The following DPY30 variants were observed in gnomAD, a reference collection of about 807,000 sequenced individuals.
DPY30 encodes protein dpy-30 homolog.
A neutral mutation model predicts 16.2 loss-of-function variants in DPY30; 6 were observed. The observed-to-expected ratio is 0.37, with a 90% CI of 0.20 to 0.73. DPY30 has a LOEUF of 0.73. Among genes scored for constraint, DPY30 ranks in the 30% least tolerant of loss-of-function variants. The pLI, the probability that DPY30 is intolerant of heterozygous loss-of-function variation, is 0.51. For missense variants in DPY30, 73 were observed against 113.1 expected (o/e 0.65, Z 1.61); for synonymous variants, 39 against 38.8 (o/e 1.00, Z -0.02).
chr2:32,028,824 G>A (rs549232421), intron 4 of DPY30, among the ~76,000 whole-genome samples: 14 of 152,026 alleles, frequency 9.2e-5, no homozygotes, highest in East Asian at 3.9e-4. Context: ...TCAGCCAGGC[G>A]TGGTGGCAGG....
At chr2:32,035,744 A>C (rs1675709830) in intron 3 of DPY30, among the ~76,000 whole-genome samples, 2 of 151,732 alleles carry the variant, frequency 1.3e-5, no homozygotes, top group Admixed American at 1.3e-4. Flanking sequence ...GACCAGCCTG[A>C]CAAACACTGT....
At chr2:32,018,572 A>G (rs752608417) in intron 5 of DPY30, among the ~76,000 whole-genome samples, 89 of 152,260 alleles carry the variant, frequency 5.8e-4, no homozygotes, top group Non-Finnish European at 1.0e-3. Context: ...CTTAAAATAT[A>G]AAAAATTAGC....
chr2:32,039,710 G>C, intron 1 of DPY30, 23 bp downstream of exon 1: 1 of 581,970 alleles, frequency 1.7e-6, no homozygotes, highest in African/African-American at 1.9e-5. Flanking sequence ...AAGTGAGAAA[G>C]TGGGGGAAAG....
At chr2:32,033,166 G>A (rs1250990965) in intron 3 of DPY30, among the ~76,000 whole-genome samples, 1 of 151,492 alleles carries the variant, frequency 6.6e-6, no homozygotes, top group Non-Finnish European at 1.5e-5. Context: ...AAATTAACCA[G>A]GCATGGTGGC....
At chr2:32,023,096 T>A (rs918847669), downstream of DPY30, among the ~76,000 whole-genome samples, 2 of 150,938 alleles carry the variant, frequency 1.3e-5, no homozygotes, top group African/African-American at 4.9e-5. Flanking sequence ...GGCAGGTGGA[T>A]CACAAGGTCA....
At position 32,029,677 on chromosome 2, in the gene DPY30, G is replaced by T; in HGVS notation, c.144C>A (p.Leu48=). ...AEKSSKQKVD[L]QSLPTRAYLD... ...GGTAGGCACGAGTTGGCAAAGACTG[G>T]AGATCTACCTTCTGCTTTGATGACT... Residue 48 remains leucine, a synonymous_variant, in exon 4 of 5, where the codon CTC becomes CTA. Transcript: ENST00000342166. The T allele has an allele frequency of 6.2e-7, 1 of 1,614,050 alleles. No individual in the cohort carries two copies. Among genetic ancestry groups the T allele is most frequent in the East Asian group, 2.2e-5 (1 of 44,866 alleles).
At chr2:32,025,432 C>T (rs2148657257) in intron 4 of DPY30, among the ~76,000 whole-genome samples, 1 of 152,038 alleles carries the variant, frequency 6.6e-6, no homozygotes, top group Non-Finnish European at 1.5e-5. Context: ...CACTGTACTC[C>T]AGCCTGGGCG....
At chr2:32,038,270 G>A (rs1675823764) in intron 3 of DPY30, among the ~76,000 whole-genome samples, 1 of 150,146 alleles carries the variant, frequency 6.7e-6, no homozygotes, top group Admixed American at 6.7e-5. Flanking sequence ...AGCCTCCCGA[G>A]TAGCTGGGAT....
At position 32,039,492 on chromosome 2, in the gene DPY30, T is replaced by C. The variant is rs1186081592; in HGVS notation, c.-36A>G. On this transcript the variant is annotated splice_region_variant and 5_prime_UTR_variant, in exon 2 of 5. Coordinates refer to ENST00000342166, the MANE Select transcript of DPY30 (RefSeq NM_001321209.2). ...GCAAGTCACAGTCCCCGGATACCAG[T>C]CTTGGAAAACAAGAAGAGCCGCGAG... 8.7e-6 allele frequency: 14 copies of C among 1,613,876 alleles called. No homozygotes were observed. The highest frequency in any genetic ancestry group is 2.2e-5 in the East Asian group (1 of 44,878).
intron 3 of DPY30, among the ~76,000 whole-genome samples, chr2:32,033,226 T>G (rs1392568850): frequency 2.6e-5 from 4 of 151,938 alleles, no homozygotes; most frequent in Non-Finnish European, 4.4e-5. Context: ...GAGAATTAAT[T>G]GAACCTGGGA....
intron 5 of DPY30, among the ~76,000 whole-genome samples, chr2:32,018,332 T>G (rs1287133651): frequency 6.6e-6 from 1 of 152,170 alleles, no homozygotes; most frequent in Non-Finnish European, 1.5e-5. Context: ...AGGTGTGCTT[T>G]GTGGAAGAAG....
At chr2:32,032,997 A>G (rs965958112) in intron 3 of DPY30, among the ~76,000 whole-genome samples, 4 of 147,292 alleles carry the variant, frequency 2.7e-5, no homozygotes, top group Admixed American at 6.7e-5. Flanking sequence ...CTCCATCTCA[A>G]AAAAATAATA....
chr2:32,012,773 T>C (rs769785362), intron 5 of DPY30, among the ~76,000 whole-genome samples: 1 of 152,156 alleles, frequency 6.6e-6, no homozygotes, highest in Non-Finnish European at 1.5e-5. Flanking sequence ...AAAAGAAGGC[T>C]TGAGCTCTGA....
upstream of DPY30, chr2:32,039,812 C>T (rs1573012599): frequency 1.2e-5 from 4 of 344,038 alleles, no homozygotes; most frequent in East Asian, 1.6e-4. Flanking sequence ...CCGTAAGTGA[C>T]GGCTGTCGCA....
At chr2:32,018,138 C>T (rs537480224) in intron 5 of DPY30, among the ~76,000 whole-genome samples, 1 of 151,926 alleles carries the variant, frequency 6.6e-6, no homozygotes, top group Admixed American at 6.6e-5. Context: ...GACTAAGACA[C>T]GTTTGTAGAA....
chr2:32,015,347 C>T (rs774333894), intron 5 of DPY30, among the ~76,000 whole-genome samples: 14 of 152,026 alleles, frequency 9.2e-5, no homozygotes, highest in East Asian at 1.9e-4. Flanking sequence ...CAACTTTGCC[C>T]CTGTCTACCT....
intron 4 of DPY30, among the ~76,000 whole-genome samples, chr2:32,026,192 G>A (rs1268657552): frequency 6.6e-6 from 1 of 152,164 alleles, no homozygotes; most frequent in Non-Finnish European, 1.5e-5. Context: ...GACTTTGGGA[G>A]TCCAAGGAGG....
At chr2:32,029,084 C>A (rs1250091363) in intron 4 of DPY30, among the ~76,000 whole-genome samples, 2 of 152,094 alleles carry the variant, frequency 1.3e-5, no homozygotes, top group African/African-American at 4.8e-5. Flanking sequence ...CCAGCCTGGC[C>A]AACATGGTGA....
intron 3 of DPY30, among the ~76,000 whole-genome samples, chr2:32,034,938 G>GC (rs1024074972): frequency 2.0e-5 from 3 of 151,516 alleles, no homozygotes; most frequent in Non-Finnish European, 4.4e-5. Flanking sequence ...GGTGGAGGTT[G>GC]CATTGACCCA....
Sources: gnomAD v4.1 joint callset for allele counts (sites outside exome capture counted in the v4.1 genomes callset) on GRCh38, gnomAD v4.1.1 for gene constraint, MANE v1.5 for transcripts, NCBI Gene and HGNC (gene_info 2026-07-23, HGNC 2026-07-21) for gene names.